Variants in TET1 observed in about 807,000 individuals in gnomAD.
TET1 encodes tet methylcytosine dioxygenase 1, also known as methylcytosine dioxygenase TET1.
A neutral mutation model predicts 148.7 loss-of-function variants in TET1; 13 were observed. The observed-to-expected ratio is 0.09, with a 90% CI of 0.06 to 0.14. TET1 has a LOEUF of 0.14. Ranked by LOEUF, TET1 falls within the 10% of genes least tolerant of loss-of-function variation. The pLI is 1.00. For missense variants in TET1, 2,182 were observed against 2,553.8 expected (o/e 0.85, Z 3.14); for synonymous variants, 907 against 937.2 (o/e 0.97, Z 0.59).
At chr10:68,689,425 AGGCGTGGT>A in intron 11 of TET1, among the ~76,000 whole-genome samples, 1 of 152,290 alleles carries the variant, frequency 6.6e-6, no homozygotes, top group South Asian at 2.1e-4. Flanking sequence ...AACAGGGGCT[AGGCGTGGT>A]GGCTCATGCC....
chr10:68,605,784 G>A (rs2054115430), intron 3 of TET1, among the ~76,000 whole-genome samples: 1 of 152,096 alleles, frequency 6.6e-6, no homozygotes, highest in African/African-American at 2.4e-5. Flanking sequence ...CAAAATGCTG[G>A]GATTACAGGT....
intron 11 of TET1, 126 bp from the exon 12 acceptor site, chr10:68,690,676 ACAAAAC>A: frequency 1.2e-6 from 1 of 842,742 alleles, no homozygotes; most frequent in Non-Finnish European, 1.8e-6. Context: ...AATGAACAGA[ACAAAAC>A]CAACCAACAC....
At chr10:68,617,267 A>G (rs2054307173) in intron 3 of TET1, among the ~76,000 whole-genome samples, 1 of 149,902 alleles carries the variant, frequency 6.7e-6, no homozygotes. Flanking sequence ...CTCGTGATCC[A>G]CCCACCTCGG....
At chr10:68,609,526 G>A (rs113259829) in intron 3 of TET1, among the ~76,000 whole-genome samples, 6,278 of 152,236 alleles carry the variant, frequency 0.041, 170 homozygotes, top group Middle Eastern at 0.071. Flanking sequence ...GGGTGATCTT[G>A]AACTTCTGGG....
At chr10:68,612,110 GAC>G (rs1182404403) in intron 3 of TET1, among the ~76,000 whole-genome samples, 2 of 142,146 alleles carry the variant, frequency 1.4e-5, no homozygotes, top group Admixed American at 1.4e-4. Flanking sequence ...TTTTTTATTT[GAC>G]AGAGTCTCAC....
chr10:68,677,060 A>C (rs2055371764), intron 8 of TET1, among the ~76,000 whole-genome samples: 1 of 152,242 alleles, frequency 6.6e-6, no homozygotes, highest in South Asian at 2.1e-4. Flanking sequence ...TCATGGCAAC[A>C]GTTTTTTTGG....
chr10:68,594,409 C>T (rs2053954795), intron 2 of TET1, among the ~76,000 whole-genome samples: 1 of 152,130 alleles, frequency 6.6e-6, no homozygotes. Context: ...ACTTTTTCCT[C>T]AATTCTTGCT....
chr10:68,586,983 T>C (rs2298117), intron 2 of TET1, among the ~76,000 whole-genome samples: 74,846 of 152,034 alleles, frequency 0.49, 19,039 homozygotes, highest in East Asian at 0.56. Flanking sequence ...GTAATTAAGT[T>C]TTCTAAGTAT....
chr10:68,685,858 A>AT (rs2055501502), intron 10 of TET1, among the ~76,000 whole-genome samples: 1 of 152,102 alleles, frequency 6.6e-6, no homozygotes, highest in East Asian at 1.9e-4. Flanking sequence ...ATTAAAAAAA[A>AT]ATTTTTTTTA....
At chr10:68,638,624 A>G (rs1003873904) in intron 3 of TET1, among the ~76,000 whole-genome samples, 2 of 152,214 alleles carry the variant, frequency 1.3e-5, no homozygotes. Flanking sequence ...ACCTCTAGTA[A>G]AGGTCTTACT....
At position 68,573,090 on chromosome 10, in the gene TET1, C is replaced by T; in HGVS notation, c.752C>T (p.Pro251Leu). ...TTTGCTCAGGACACAGTGTGTGCTC[C>T]TTTTCCCCAAAGAGCAACCCCCAAA... Reference protein sequence around the residue: ...KMFAQDTVCAPFPQRATPKVT... With the variant: ...KMFAQDTVCALFPQRATPKVT... The change falls in exon 2 of 12, where the codon CCT becomes CTT. Residue 251 changes from proline (P) to leucine (L), a missense_variant. By Grantham distance (98) the Pro-to-Leu change is moderately conservative. Transcript: ENST00000373644. 6.2e-7 allele frequency: 1 copy of T among 1,614,134 alleles called. No individual in the cohort carries two copies.
intron 6 of TET1, among the ~76,000 whole-genome samples, chr10:68,657,477 A>G (rs890755646): frequency 6.6e-6 from 1 of 152,106 alleles, no homozygotes; most frequent in Admixed American, 6.5e-5. Context: ...CGCCCGGCCA[A>G]AAATTTTTTA....
intron 3 of TET1, among the ~76,000 whole-genome samples, chr10:68,609,382 A>G (rs1401055365): frequency 6.6e-6 from 1 of 152,030 alleles, no homozygotes; most frequent in Non-Finnish European, 1.5e-5. Context: ...GCTGGTCTCG[A>G]ACTCCTGACC....
intron 2 of TET1, among the ~76,000 whole-genome samples, chr10:68,581,543 C>T (rs753407943): frequency 1.3e-5 from 2 of 152,060 alleles, no homozygotes; most frequent in East Asian, 1.9e-4. Flanking sequence ...TGTGTGAAAG[C>T]CAAAGAAAAC....
chr10:68,624,244 G>T (rs1410131697), intron 3 of TET1, among the ~76,000 whole-genome samples: 1 of 151,412 alleles, frequency 6.6e-6, no homozygotes, highest in Non-Finnish European at 1.5e-5. Context: ...TTACAGGCGC[G>T]TGCCACCATG....
At chr10:68,593,221 A>G (rs1387932391) in intron 2 of TET1, among the ~76,000 whole-genome samples, 5 of 135,170 alleles carry the variant, frequency 3.7e-5, no homozygotes, top group Admixed American at 3.2e-4. Flanking sequence ...AGAGAGTGAA[A>G]CTCTGTCTCA....
chr10:68,621,456 C>T (rs183591567), intron 3 of TET1, among the ~76,000 whole-genome samples: 2 of 152,256 alleles, frequency 1.3e-5, no homozygotes, highest in South Asian at 4.1e-4. Context: ...TGGTGGCTTG[C>T]ACCTGTAGTT....
At chr10:68,565,471 A>AT (rs1204871242) in intron 1 of TET1, among the ~76,000 whole-genome samples, 1 of 49,660 alleles carries the variant, frequency 2.0e-5, no homozygotes, top group East Asian at 5.2e-4. Context: ...GTTTAAAAAA[A>AT]AAAAATATAT....
At chr10:68,658,642 G>A (rs1023375694) in intron 6 of TET1, among the ~76,000 whole-genome samples, 3 of 152,126 alleles carry the variant, frequency 2.0e-5, no homozygotes, top group Non-Finnish European at 4.4e-5. Flanking sequence ...CATAATTATA[G>A]TCTTTGGCAG....
Sources: gnomAD v4.1 joint callset for allele counts (sites outside exome capture counted in the v4.1 genomes callset) on GRCh38, gnomAD v4.1.1 for gene constraint, MANE v1.5 for transcripts, NCBI Gene and HGNC (gene_info 2026-07-23, HGNC 2026-07-21) for gene names.